Variants in KIF5B observed in about 807,000 individuals in gnomAD.
The protein encoded by KIF5B is kinesin-1 heavy chain.
KIF5B carries 49 observed loss-of-function variants against 132.8 expected under a neutral mutation model. The ratio of observed to expected loss-of-function variants is 0.37; its 90% CI spans 0.29 to 0.47. KIF5B has a LOEUF of 0.47. Among genes scored for constraint, KIF5B ranks in the 20% least tolerant of loss-of-function variants. KIF5B has a pLI of 1.00. For missense variants in KIF5B, 780 were observed against 1,144.0 expected, an observed-to-expected ratio of 0.68 and a Z score of 4.59; for synonymous variants, 355 against 369.4, an observed-to-expected ratio of 0.96 and a Z score of 0.45.
chr10:32,014,942 G>C (rs1222165225), intron 25 of KIF5B, among the ~76,000 whole-genome samples: 1 of 152,074 alleles, frequency 6.6e-6, no homozygotes, highest in Non-Finnish European at 1.5e-5. Context: ...GACCAACATG[G>C]TGAAACCCCT....
rs751823775 is a variant in KIF5B, at chr10:32,021,239, G to A, written c.2081C>T (p.Ala694Val). Residue 694 changes from alanine (A) to valine (V), a missense_variant, in exon 18 of 26, where the codon GCA (alanine) becomes GTA (valine). Physicochemically the swap from Ala to Val is moderately conservative, Grantham distance 64. Around this residue, in one of 9 missense-constraint regions of KIF5B, gnomAD observed 471 missense variants for 569.9 expected, o/e 0.83. Transcript: ENST00000302418. Reference sequence around the variant, plus strand: ...CATCAAACTTGCCTTAACTTCATTTGCAGTCTGAACCTTATTTAAGTGCTC... The same window carrying A: ...CATCAAACTTGCCTTAACTTCATTTACAGTCTGAACCTTATTTAAGTGCTC... The part of the protein sequence containing the change: ...EKEHLNKVQT[A>V]NEVKQAVEQQ... 1.2e-6 allele frequency: 2 copies of A among 1,612,876 alleles called. No individual in the cohort carries two copies. Among genetic ancestry groups the A allele is most frequent in the South Asian group, 2.2e-5 (2 of 91,048 alleles).
In KIF5B at chr10:32,031,227, C is replaced by T. The variant is rs1020666487; in HGVS notation, c.1427G>A (p.Arg476His). The stretch of plus-strand genomic sequence containing the variant: ...AGAGGCATCATTTTCTGCTTGAAGG[C>T]GATTCAGCTCAGCTTGCATATTGTC... ...DQDNMQAELN[R>H]LQAENDASKE... The change falls in exon 14 of 26, where the codon CGC (arginine) becomes CAC (histidine). Residue 476 changes from arginine to histidine, a missense_variant. Arg to His is a conservative substitution (Grantham distance 29). This residue lies in a region of KIF5B where 471 missense variants were observed against 569.9 expected (regional missense o/e 0.83). Coordinates refer to ENST00000302418, the MANE Select transcript of KIF5B (RefSeq NM_004521.3). 7 of 1,613,796 alleles carry T rather than the reference C, an allele frequency of 4.3e-6. No homozygotes were observed. The African/African-American group carries it at 6.7e-5, about 15-fold the overall frequency.
chr10:32,026,251 G>A (rs547470585), intron 15 of KIF5B, among the ~76,000 whole-genome samples: 9 of 151,914 alleles, frequency 5.9e-5, no homozygotes, highest in Admixed American at 1.3e-4. Flanking sequence ...TGGCTAACAC[G>A]GTGAAACTCC....
At position 32,056,133 on chromosome 10, in the gene KIF5B, G is replaced by C; in HGVS notation, c.-160C>G. 1.3e-6 allele frequency: 1 copy of C among 795,290 alleles called. No individual in the cohort carries two copies. The allele number at this position is 795,290 out of a possible 1,614,324, so 49.3% of individuals were successfully genotyped here. The stretch of plus-strand genomic sequence containing the variant: ...CCGGGTGGAGGCGGCCGGGGAGCCG[G>C]GACTTGAAGAGCCGGCGCCGGCAGC... On this transcript the variant is annotated 5_prime_UTR_variant, in exon 1 of 26. Transcript: ENST00000302418.
chr10:32,055,742 G>A (rs1161614984), intron 1 of KIF5B, 106 bp downstream of exon 1: 13 of 1,429,720 alleles, frequency 9.1e-6, no homozygotes, highest in Non-Finnish European at 1.2e-5. Flanking sequence ...GGAGGGCTGG[G>A]GACACCGCCG....
chr10:32,055,517 T>TGC (rs1441095804), intron 1 of KIF5B, among the ~76,000 whole-genome samples: 1 of 111,134 alleles, frequency 9.0e-6, no homozygotes, highest in Non-Finnish European at 1.9e-5. Flanking sequence ...TATCCGTAAT[T>TGC]GCACACACAC....
At position 32,040,432 on chromosome 10, in the gene KIF5B, T is replaced by G. The variant is rs749912371; in HGVS notation, c.240A>C (p.Thr80=). Residue 80 remains threonine (T), a synonymous_variant, in exon 3 of 26, where the codon ACA becomes ACC. Coordinates refer to ENST00000302418, the MANE Select transcript of KIF5B (RefSeq NM_004521.3). ...AGGATGTTTGTCCATATGCAAATAT[T>G]GTTCCATTATATCCTTCAAGTACAT... ...VKDVLEGYNG[T]IFAYGQTSSG... 1 of 1,597,702 alleles carries G rather than the reference T, an allele frequency of 6.3e-7. No individual in the cohort carries two copies. The highest frequency in any genetic ancestry group is 1.1e-5 in the South Asian group (1 of 90,720).
intron 2 of KIF5B, among the ~76,000 whole-genome samples, chr10:32,046,462 C>T (rs997970512): frequency 6.6e-6 from 1 of 152,158 alleles, no homozygotes; most frequent in Non-Finnish European, 1.5e-5. Flanking sequence ...TCTCTCTCAC[C>T]AATACCATTA....
intron 10 of KIF5B, 108 bp from the exon 11 acceptor site, chr10:32,034,946 ATC>A (rs1324293600): frequency 6.2e-6 from 5 of 801,170 alleles, no homozygotes; most frequent in African/African-American, 1.8e-5. Flanking sequence ...TTGTCCAGTA[ATC>A]TCTTAGACTA....
chr10:32,040,185 A>G (rs906720438), intron 3 of KIF5B, among the ~76,000 whole-genome samples, 199 bp downstream of exon 3: 1 of 152,228 alleles, frequency 6.6e-6, no homozygotes, highest in African/African-American at 2.4e-5. Flanking sequence ...CTCAAATATA[A>G]TCTCAAATAC....
intron 14 of KIF5B, among the ~76,000 whole-genome samples, chr10:32,029,520 T>C (rs560118511): frequency 6.6e-6 from 1 of 152,328 alleles, no homozygotes; most frequent in South Asian, 2.1e-4. Context: ...TGAGTATCAG[T>C]AGAGTATGTA....
chr10:32,053,328 G>T (rs1030863230), intron 1 of KIF5B, among the ~76,000 whole-genome samples: 3 of 150,714 alleles, frequency 2.0e-5, no homozygotes, highest in African/African-American at 7.3e-5. Context: ...CTATATGCAA[G>T]AAACTAGTTT....
At position 32,022,837 on chromosome 10, in the gene KIF5B, C is replaced by A; in HGVS notation, c.1914+11G>T. 1.3e-6 allele frequency: 2 copies of A among 1,551,478 alleles called. No homozygotes were observed. Among genetic ancestry groups the A allele is most frequent in the East Asian group, 2.3e-5 (1 of 44,050 alleles). On this transcript the variant is annotated intron_variant, in intron 16 of 25. Transcript: ENST00000302418. Reference sequence around the variant, plus strand: ...TTCAAAAAAATGAATAAACTTTGTTCTATAACATACTTGAGAGATACGAAG... The same window carrying A: ...TTCAAAAAAATGAATAAACTTTGTTATATAACATACTTGAGAGATACGAAG...
At chr10:32,034,310 AC>A (rs1187162819) in intron 11 of KIF5B, among the ~76,000 whole-genome samples, 1 of 151,778 alleles carries the variant, frequency 6.6e-6, no homozygotes, top group East Asian at 1.9e-4. Flanking sequence ...TGGGGTTTCA[AC>A]ATGTTGGCCA....
chr10:32,022,167 C>G lies in KIF5B; in HGVS notation c.2005G>C (p.Glu669Gln). The change falls in exon 17 of 26, where the codon GAA becomes CAA. Residue 669 changes from glutamate to glutamine, a missense_variant. Transcript: ENST00000302418. ...QLEESVDALS[E>Q]ELVQLRAQEK... ...TGTGCTCGAAGCTGGACTAGTTCTT[C>G]ACTGAGGGCATCGACAGATTCCTCC... The G allele has an allele frequency of 6.2e-7, 1 of 1,608,526 alleles. No homozygotes were observed. The highest frequency in any genetic ancestry group is 8.5e-7 in the Non-Finnish European group (1 of 1,175,296).
At chr10:32,014,875 C>A (rs539864086) in intron 25 of KIF5B, among the ~76,000 whole-genome samples, 38 of 152,308 alleles carry the variant, frequency 2.5e-4, no homozygotes, top group African/African-American at 8.7e-4. Context: ...CTAATTCCAG[C>A]ACTTTGGGAG....
At chr10:32,040,657 A>ACACACACCCC (rs370537671) in intron 2 of KIF5B, among the ~76,000 whole-genome samples, 200 bp from the exon 3 acceptor site, 5 of 137,574 alleles carry the variant, frequency 3.6e-5, no homozygotes, top group African/African-American at 5.3e-5. Context: ...ACACACACAC[A>ACACACACCCC]CCCTCTTCCT....
intron 7 of KIF5B, 62 bp downstream of exon 7, chr10:32,037,458 T>G: frequency 1.3e-6 from 2 of 1,586,720 alleles, no homozygotes; most frequent in Non-Finnish European, 1.7e-6. Flanking sequence ...TTATAATTAA[T>G]CACCTGGATA....
intron 2 of KIF5B, among the ~76,000 whole-genome samples, chr10:32,044,828 A>C (rs952156395): frequency 2.0e-5 from 3 of 152,222 alleles, no homozygotes; most frequent in African/African-American, 7.2e-5. Context: ...CACAGCAAGA[A>C]AGTGGCAGAG....
Sources: gnomAD v4.1 joint callset for allele counts (sites outside exome capture counted in the v4.1 genomes callset) on GRCh38, gnomAD v4.1.1 for gene constraint, gnomAD v4.1.1 regional missense constraint, MANE v1.5 for transcripts, NCBI Gene and HGNC (gene_info 2026-07-23, HGNC 2026-07-21) for gene names.